Variants in FCHSD2 observed in about 807,000 individuals in gnomAD.
FCHSD2 encodes F-BAR and double SH3 domains protein 2.
In FCHSD2, 38 loss-of-function variants were observed where a neutral mutation model predicts 108.1. That is an observed-to-expected ratio of 0.35 (90% CI 0.27 to 0.46). The LOEUF (loss-of-function observed/expected upper bound fraction) is 0.46, where lower values mean the gene tolerates loss of function less well. Among genes scored for constraint, FCHSD2 ranks in the 20% least tolerant of loss-of-function variants. The pLI is 1.00. For missense variants in FCHSD2, 751 were observed against 897.8 expected (o/e 0.84, Z 2.09); for synonymous variants, 279 against 314.7 (o/e 0.89, Z 1.20).
At chr11:73,045,662 G>A (rs542034053) in intron 3 of FCHSD2, among the ~76,000 whole-genome samples, 128 of 149,904 alleles carry the variant, frequency 8.5e-4, no homozygotes, top group African/African-American at 1.5e-3. Flanking sequence ...GTAAACTATC[G>A]CAAGAACAAA....
chr11:72,856,488 T>C (rs192587919), intron 13 of FCHSD2, among the ~76,000 whole-genome samples: 1 of 152,328 alleles, frequency 6.6e-6, no homozygotes, highest in African/African-American at 2.4e-5. Context: ...TAAATATGTA[T>C]AAATATTATG....
At chr11:72,907,969 T>C (rs1047786876) in intron 9 of FCHSD2, among the ~76,000 whole-genome samples, 1 of 152,294 alleles carries the variant, frequency 6.6e-6, no homozygotes, top group East Asian at 1.9e-4. Flanking sequence ...ATAGATCTTA[T>C]TCATTCTATC....
chr11:73,102,605 G>T (rs1197023943), intron 2 of FCHSD2, among the ~76,000 whole-genome samples: 1 of 152,214 alleles, frequency 6.6e-6, no homozygotes, highest in African/African-American at 2.4e-5. Flanking sequence ...AGTATTACAA[G>T]CTGAGACTTT....
At chr11:72,959,564 T>G (rs1856784767) in intron 8 of FCHSD2, among the ~76,000 whole-genome samples, 1 of 152,070 alleles carries the variant, frequency 6.6e-6, no homozygotes, top group African/African-American at 2.4e-5. Flanking sequence ...AAAGGCTCAG[T>G]CTACTCTGAG....
chr11:72,921,843 T>C lies in FCHSD2; in HGVS notation c.813A>G (p.Leu271=). 1 of 1,611,280 alleles carries C rather than the reference T, an allele frequency of 6.2e-7. No homozygotes were observed. Among genetic ancestry groups the C allele is most frequent in the Non-Finnish European group, 8.5e-7 (1 of 1,178,338 alleles). Residue 271 remains leucine (L), a synonymous_variant, in exon 9 of 20, where the codon TTA becomes TTG. Transcript: ENST00000409418. ...QAVQNTFQFL[L]ENSSKVVRDY... Reference sequence around the variant, plus strand: ...GGTAACTTACCTTGCTGGAGTTTTCTAATAAAAACTGGAATGTGTTCTGCA... The same window carrying C: ...GGTAACTTACCTTGCTGGAGTTTTCCAATAAAAACTGGAATGTGTTCTGCA...
chr11:73,119,436 A>T (rs1442243567), intron 2 of FCHSD2, among the ~76,000 whole-genome samples: 1 of 152,090 alleles, frequency 6.6e-6, no homozygotes, highest in Non-Finnish European at 1.5e-5. Context: ...CACTTCAGAG[A>T]GGTGTGTTAA....
At chr11:73,050,899 G>A (rs956858415) in intron 3 of FCHSD2, among the ~76,000 whole-genome samples, 8 of 152,170 alleles carry the variant, frequency 5.3e-5, no homozygotes, top group African/African-American at 1.9e-4. Flanking sequence ...CTCTAGATTA[G>A]AACAAAGGTC....
intron 19 of FCHSD2, 75 bp downstream of exon 19, chr11:72,840,802 C>A: frequency 8.9e-7 from 1 of 1,119,240 alleles, no homozygotes; most frequent in Non-Finnish European, 1.3e-6. Flanking sequence ...ACAGGGGCCA[C>A]GGGGAAACAT....
Position 72,837,941 on chromosome 11 carries a change from A to C in FCHSD2, c.*850T>G, listed in dbSNP as rs1374581352. ...AACTTATCTAGACATTTGGATTCTA[A>C]GGATACTGGTAAGAAGAGTATATGC... On this transcript the variant is annotated 3_prime_UTR_variant, in exon 20 of 20. Coordinates refer to ENST00000409418, the MANE Select transcript of FCHSD2 (RefSeq NM_014824.3). The C allele has an allele frequency of 6.6e-6, 1 of 152,238 alleles. No homozygotes were observed. Among genetic ancestry groups the C allele is most frequent in the Non-Finnish European group, 1.5e-5 (1 of 68,040 alleles). The allele number at this position is 152,238 out of a possible 1,614,324, so 9.4% of individuals were successfully genotyped here. A position where few individuals can be genotyped will look rare whatever the true frequency, so the allele number is the denominator to read the frequency against.
chr11:73,087,720 A>ATTT lies in FCHSD2; in HGVS notation c.120-3983_120-3981dup, dbSNP rs111602928. Among the ~76,000 whole-genome samples the ATTT allele has an allele frequency of 1.6e-3, 249 of 151,720 alleles. 2 individuals carry two copies. The highest frequency in any genetic ancestry group is 0.01 in the Middle Eastern group (3 of 294). On this transcript the variant is annotated intron_variant, in intron 2 of 19. Coordinates refer to ENST00000409418, the MANE Select transcript of FCHSD2 (RefSeq NM_014824.3). ...GCTTTGTCTCAAAAAAAAAAAAAAA[A>ATTT]TTTTTAAAATAAATTTAGTGCAGCC...
chr11:72,914,201 G>A (rs956064313), intron 9 of FCHSD2, among the ~76,000 whole-genome samples: 6 of 152,046 alleles, frequency 3.9e-5, no homozygotes, highest in Non-Finnish European at 7.4e-5. Context: ...TTTTAGTGGA[G>A]ATGGGGTTTC....
chr11:73,123,532 G>A (rs1464653134), intron 2 of FCHSD2, among the ~76,000 whole-genome samples: 1 of 152,200 alleles, frequency 6.6e-6, no homozygotes, highest in Non-Finnish European at 1.5e-5. Context: ...AAGTGCACAG[G>A]TGACTCTTGC....
In FCHSD2 at chr11:73,142,210, G is replaced by C. The variant is rs1184902322; in HGVS notation, c.-333C>G. On this transcript the variant is annotated 5_prime_UTR_variant, in exon 1 of 20. Coordinates refer to ENST00000409418, the MANE Select transcript of FCHSD2 (RefSeq NM_014824.3). Reference sequence around the variant, plus strand: ...CGAGGGTCTCAGCCGGCCGGGCGGCGGGTTAGCCGCAGCCGCGTTGTCCGC... The same window carrying C: ...CGAGGGTCTCAGCCGGCCGGGCGGCCGGTTAGCCGCAGCCGCGTTGTCCGC... 1 of 174,500 alleles carries C rather than the reference G, an allele frequency of 5.7e-6. No individual in the cohort carries two copies. Among genetic ancestry groups the C allele is most frequent in the Non-Finnish European group, 1.2e-5 (1 of 83,256 alleles). 10.8% of individuals were successfully genotyped at this position (174,500 alleles called of 1,614,324 possible).
At chr11:73,088,319 A>G (rs996010983) in intron 2 of FCHSD2, among the ~76,000 whole-genome samples, 4 of 152,216 alleles carry the variant, frequency 2.6e-5, no homozygotes, top group Admixed American at 6.5e-5. Flanking sequence ...GCAATAGGCT[A>G]TATCATATAG....
At position 72,963,749 on chromosome 11, in the gene FCHSD2, A is replaced by G. The variant is rs74597531; in HGVS notation, c.705+20339T>C. ...AGTTCACAATAGGGTTCTTACACCT[A>G]TGATAATCTAATTCTGCTGCCCATC... On this transcript the variant is annotated intron_variant, in intron 8 of 19. Transcript: ENST00000409418. Among the ~76,000 whole-genome samples the G allele has an allele frequency of 9.7e-3, 1,470 of 152,298 alleles. 26 individuals carry two copies. Among genetic ancestry groups the G allele is most frequent in the African/African-American group, 0.033 (1,381 of 41,544 alleles).
In FCHSD2 at chr11:73,039,511, C is replaced by T. The variant is rs147342795; in HGVS notation, c.166-23626G>A. 2.2e-4 allele frequency among the ~76,000 whole-genome samples: 28 copies of T among 126,548 alleles called. No individual in the cohort carries two copies. In the Middle Eastern group the frequency reaches 0.01, roughly 47 times the overall value. 83.0% of individuals were successfully genotyped at this position (126,548 alleles called of 152,430 possible). ...CAGCCTGGGCAACAGAGAGAGACTC[C>T]GTCTCCAAAAAAAAAAAGAAAGAAA... On this transcript the variant is annotated intron_variant, in intron 3 of 19. Transcript: ENST00000409418.
intron 13 of FCHSD2, among the ~76,000 whole-genome samples, chr11:72,862,005 T>A (rs1861588517): frequency 1.3e-5 from 2 of 151,650 alleles, no homozygotes; most frequent in South Asian, 4.2e-4. Flanking sequence ...TGGTTTAATA[T>A]CTGAATAATC....
intron 3 of FCHSD2, among the ~76,000 whole-genome samples, chr11:73,069,934 G>A (rs139135376): frequency 8.7e-4 from 131 of 151,242 alleles, no homozygotes; most frequent in African/African-American, 3.1e-3. Context: ...TAAAAAAACA[G>A]AGTCACAGAA....
intron 3 of FCHSD2, among the ~76,000 whole-genome samples, chr11:73,051,896 C>T (rs1006285679): frequency 6.6e-6 from 1 of 151,064 alleles, no homozygotes; most frequent in African/African-American, 2.4e-5. Flanking sequence ...CACACACACA[C>T]ACACACACAC....
Sources: allele counts gnomAD v4.1 joint callset (sites outside exome capture counted in the v4.1 genomes callset), GRCh38; gene constraint gnomAD v4.1.1; transcripts MANE v1.5; gene names NCBI Gene and HGNC (gene_info 2026-07-23, HGNC 2026-07-21).